NEURL1: variants seen among roughly 807,000 people sequenced by gnomAD.
NEURL1 encodes E3 ubiquitin-protein ligase NEURL1.
In NEURL1, 26 loss-of-function variants were observed where a neutral mutation model predicts 41.2. That is an observed-to-expected ratio of 0.63 (90% CI 0.46 to 0.87). NEURL1 has a LOEUF of 0.87. NEURL1 is among the 40% of genes least tolerant of loss of function. The pLI, the probability that NEURL1 is intolerant of heterozygous loss-of-function variation, is 0.00. For missense variants in NEURL1, 761 were observed against 871.1 expected, an observed-to-expected ratio of 0.87 and a Z score of 1.59; for synonymous variants, 400 against 402.3, an observed-to-expected ratio of 0.99 and a Z score of 0.07.
intron 4 of NEURL1, among the ~76,000 whole-genome samples, chr10:103,587,451 G>A (rs987598771): frequency 3.3e-5 from 5 of 152,222 alleles, no homozygotes; most frequent in African/African-American, 1.2e-4. Flanking sequence ...TCAACAAAGT[G>A]CTCCTGATCT....
At chr10:103,569,992 C>T (rs2035504218) in intron 1 of NEURL1, among the ~76,000 whole-genome samples, 1 of 152,352 alleles carries the variant, frequency 6.6e-6, no homozygotes, top group African/African-American at 2.4e-5. Flanking sequence ...CTTCCATCTC[C>T]TTCCTGGAAG....
chr10:103,547,391 A>G (rs2034944423), intron 1 of NEURL1, among the ~76,000 whole-genome samples: 1 of 152,250 alleles, frequency 6.6e-6, no homozygotes, highest in Non-Finnish European at 1.5e-5. Context: ...GTAGCTACTG[A>G]CACCCAGTAT....
rs1189844456 is a variant in NEURL1, at chr10:103,545,714, C to G, written c.86-25158C>G. On this transcript the variant is annotated intron_variant, in intron 1 of 5. Coordinates refer to ENST00000369780, the MANE Select transcript of NEURL1 (RefSeq NM_004210.5). The surrounding 1 kb of genome is among the most constrained non-coding windows in gnomAD (Gnocchi z 4.5). ...TCCTATTTTTTGAGCCAAGCCAAGC[C>G]CTCTGCTCCTGCAAGGGACTGCCAC... Among the ~76,000 whole-genome samples the G allele has an allele frequency of 6.6e-6, 1 of 152,218 alleles. No homozygotes were observed. The highest frequency in any genetic ancestry group is 1.5e-5 in the Non-Finnish European group (1 of 68,036).
intron 1 of NEURL1, among the ~76,000 whole-genome samples, chr10:103,511,007 G>T (rs898053007): frequency 3.3e-5 from 5 of 152,200 alleles, no homozygotes; most frequent in Admixed American, 2.0e-4. Flanking sequence ...TGAATGGGGG[G>T]GCTCCTGACT....
Position 103,545,699 on chromosome 10 carries a change from T to G in NEURL1, c.86-25173T>G, listed in dbSNP as rs2133865585. 6.6e-6 allele frequency among the ~76,000 whole-genome samples: 1 copy of G among 152,356 alleles called. No homozygotes were observed. The highest frequency in any genetic ancestry group is 1.9e-4 in the East Asian group (1 of 5,192). On this transcript the variant is annotated intron_variant, in intron 1 of 5. Coordinates refer to ENST00000369780, the MANE Select transcript of NEURL1 (RefSeq NM_004210.5). This position sits in a 1 kb window ranked among gnomAD's most constrained non-coding sequence, Gnocchi z 4.5. ...TATGAGAACAGCAGTTCCTATTTTTTGAGCCAAGCCAAGCCCTCTGCTCCT... is the reference window on the plus strand; with the variant it reads ...TATGAGAACAGCAGTTCCTATTTTTGGAGCCAAGCCAAGCCCTCTGCTCCT...
chr10:103,519,195 C>G (rs192109819), intron 1 of NEURL1, among the ~76,000 whole-genome samples: 1 of 151,824 alleles, frequency 6.6e-6, no homozygotes, highest in Non-Finnish European at 1.5e-5. Context: ...TGCAGTGAGC[C>G]GAGATCGTGC....
At chr10:103,538,804 G>A (rs1441303335) in intron 1 of NEURL1, among the ~76,000 whole-genome samples, 1 of 147,796 alleles carries the variant, frequency 6.8e-6, no homozygotes, top group Non-Finnish European at 1.5e-5. Context: ...ATGCCACCTT[G>A]CCCCGCTAAT....
chr10:103,525,154 T>C (rs2034434457), intron 1 of NEURL1, among the ~76,000 whole-genome samples: 1 of 152,114 alleles, frequency 6.6e-6, no homozygotes, highest in South Asian at 2.1e-4. Context: ...TTCACTTCTT[T>C]GGTTGAATTT....
chr10:103,552,378 C>T (rs1019031163), intron 1 of NEURL1, among the ~76,000 whole-genome samples: 2 of 152,224 alleles, frequency 1.3e-5, no homozygotes, highest in Non-Finnish European at 2.9e-5. Flanking sequence ...TCCTCCTGCT[C>T]ACCCTGCTCC....
At chr10:103,505,014 A>G (rs1412616548) in intron 1 of NEURL1, among the ~76,000 whole-genome samples, 5 of 151,476 alleles carry the variant, frequency 3.3e-5, no homozygotes, top group Admixed American at 6.6e-5. Flanking sequence ...CCAAATGCCA[A>G]TGTGCCATTA....
chr10:103,505,951 CTGTG>C (rs1185119915), intron 1 of NEURL1, among the ~76,000 whole-genome samples: 1 of 152,192 alleles, frequency 6.6e-6, no homozygotes, highest in Non-Finnish European at 1.5e-5. Flanking sequence ...TGATCACAGA[CTGTG>C]TGGGGACAGG....
At chr10:103,564,401 G>C (rs2035372963) in intron 1 of NEURL1, among the ~76,000 whole-genome samples, 1 of 152,190 alleles carries the variant, frequency 6.6e-6, no homozygotes, top group Non-Finnish European at 1.5e-5. Flanking sequence ...ATCCAGTTGT[G>C]TGTGCCTCTG....
intron 1 of NEURL1, among the ~76,000 whole-genome samples, chr10:103,498,419 A>G (rs900827772): frequency 1.1e-4 from 17 of 151,742 alleles, no homozygotes; most frequent in African/African-American, 1.9e-4. Flanking sequence ...GTAGAGATGG[A>G]GTTTCACCGT....
At chr10:103,533,430 C>T (rs1192339171) in intron 1 of NEURL1, among the ~76,000 whole-genome samples, 1 of 150,782 alleles carries the variant, frequency 6.6e-6, no homozygotes, top group Non-Finnish European at 1.5e-5. Flanking sequence ...AGTGGAATGG[C>T]GTGATCTCAG....
In NEURL1 at chr10:103,556,397, C is replaced by T. The variant is rs191628587; in HGVS notation, c.86-14475C>T. 7.9e-4 allele frequency among the ~76,000 whole-genome samples: 120 copies of T among 152,214 alleles called. 1 individual carries two copies. Among genetic ancestry groups the T allele is most frequent in the African/African-American group, 2.8e-3 (116 of 41,530 alleles). On this transcript the variant is annotated intron_variant, in intron 1 of 5. Transcript: ENST00000369780. This position sits in a 1 kb window ranked among gnomAD's most constrained non-coding sequence, Gnocchi z 4.4. ...CTTGGGGAGTCCCTGACGCACTCCC[C>T]TATGTACCCTGCTCCCTGCTTGGAT...
intron 1 of NEURL1, among the ~76,000 whole-genome samples, chr10:103,569,398 C>G (rs536667743): frequency 6.6e-6 from 1 of 152,218 alleles, no homozygotes; most frequent in African/African-American, 2.4e-5. Context: ...GGTGATTTTT[C>G]TCTTATGCTT....
intron 1 of NEURL1, among the ~76,000 whole-genome samples, chr10:103,524,126 G>A (rs1303031824): frequency 6.6e-6 from 1 of 152,062 alleles, no homozygotes; most frequent in Non-Finnish European, 1.5e-5. Context: ...TTTGATAATG[G>A]CCACTATAAC....
chr10:103,563,221 G>A (rs369447818), intron 1 of NEURL1, among the ~76,000 whole-genome samples: 6 of 152,264 alleles, frequency 3.9e-5, no homozygotes, highest in East Asian at 1.9e-4. Context: ...CTTATGTTGC[G>A]ATCAAGTGTT....
intron 1 of NEURL1, among the ~76,000 whole-genome samples, chr10:103,547,768 G>A (rs2034953150): frequency 1.3e-5 from 2 of 152,122 alleles, no homozygotes; most frequent in Non-Finnish European, 2.9e-5. Context: ...TGCCTGTGGA[G>A]GAGGGATTTA....
Sources: gnomAD v4.1 joint callset for allele counts (sites outside exome capture counted in the v4.1 genomes callset) on GRCh38, gnomAD v4.1.1 for gene constraint, Gnocchi (gnomAD v3.1) non-coding constraint, MANE v1.5 for transcripts, NCBI Gene and HGNC (gene_info 2026-07-23, HGNC 2026-07-21) for gene names.